The following GRB10 variants were observed in gnomAD, a reference collection of about 807,000 sequenced individuals.
GRB10 encodes the protein growth factor receptor bound protein 10.
Under a neutral mutation model 80.9 loss-of-function variants are expected in GRB10, and 20 were observed. The ratio of observed to expected loss-of-function variants is 0.25; its 90% CI spans 0.17 to 0.36. GRB10 has a LOEUF of 0.36. GRB10 is among the 10% of genes least tolerant of loss of function. The pLI, the probability that GRB10 is intolerant of heterozygous loss-of-function variation, is 1.00. For synonymous variants in GRB10, 291 were observed against 291.5 expected, an observed-to-expected ratio of 1.00 and a Z score of 0.02; for missense variants, 548 against 747.7, an observed-to-expected ratio of 0.73 and a Z score of 3.12.
intron 7 of GRB10, among the ~76,000 whole-genome samples, chr7:50,635,902 TAAA>T (rs56099361): frequency 2.1e-4 from 20 of 96,452 alleles, no homozygotes; most frequent in African/African-American, 6.6e-4. Context: ...AATCTTCCAA[TAAA>T]AAAAAAAAAA....
At chr7:50,676,289 A>G (rs2060918071) in intron 5 of GRB10, among the ~76,000 whole-genome samples, 1 of 147,168 alleles carries the variant, frequency 6.8e-6, no homozygotes, top group African/African-American at 2.5e-5. Context: ...CTATTTCTTA[A>G]GAGTCCTCAA....
intron 7 of GRB10, among the ~76,000 whole-genome samples, chr7:50,644,369 C>T (rs1229243095): frequency 1.3e-5 from 2 of 151,860 alleles, no homozygotes; most frequent in East Asian, 3.9e-4. Context: ...ATGTGATGGC[C>T]GAGCTCAGGG....
intron 14 of GRB10, 65 bp downstream of exon 14, chr7:50,606,272 C>T (rs1185655085): frequency 1.6e-6 from 2 of 1,277,096 alleles, no homozygotes; most frequent in Non-Finnish European, 2.3e-6. Flanking sequence ...AATGAGGCGT[C>T]CTTAACACAT....
chr7:50,674,335 C>T, intron 6 of GRB10, 101 bp downstream of exon 6: 1 of 1,187,612 alleles, frequency 8.4e-7, no homozygotes, highest in Non-Finnish European at 1.2e-6. Flanking sequence ...TTTGCAAGAC[C>T]AACACTATTC....
At chr7:50,627,620 G>A (rs963161) in intron 7 of GRB10, among the ~76,000 whole-genome samples, 15,492 of 152,258 alleles carry the variant, frequency 0.1, 1,058 homozygotes, top group Non-Finnish European at 0.15. Flanking sequence ...GCCCGGTGCT[G>A]TTCAAATCCA....
At chr7:50,731,546 G>A (rs1236852350) in intron 4 of GRB10, among the ~76,000 whole-genome samples, 2 of 152,152 alleles carry the variant, frequency 1.3e-5, no homozygotes, top group Non-Finnish European at 2.9e-5. Context: ...CAAATCACGA[G>A]TAAGGATGAA....
chr7:50,702,043 G>A lies in GRB10; in HGVS notation c.139+1778C>T, dbSNP rs575734305. Reference sequence around the variant, plus strand: ...TGGATTGTTTTGTTTTTCTTTTCCTGCCTCCCCCTCCCCACTGAGTGGTCA... The same window carrying A: ...TGGATTGTTTTGTTTTTCTTTTCCTACCTCCCCCTCCCCACTGAGTGGTCA... On this transcript the variant is annotated intron_variant, in intron 5 of 18. Coordinates refer to ENST00000401949, the MANE Select transcript of GRB10 (RefSeq NM_001350814.2). Among the ~76,000 whole-genome samples, 230 of 152,076 alleles carry A rather than the reference G, an allele frequency of 1.5e-3. 1 individual carries two copies. The highest frequency in any genetic ancestry group is 2.5e-3 in the Non-Finnish European group (173 of 67,980).
intron 2 of GRB10, among the ~76,000 whole-genome samples, chr7:50,764,855 T>A (rs4947854): frequency 0.064 from 9,722 of 152,244 alleles, 702 homozygotes; most frequent in Admixed American, 0.18. Flanking sequence ...AAGCAGTATA[T>A]CTGTGGGTGT....
At chr7:50,744,149 G>A (rs555488489) in intron 3 of GRB10, among the ~76,000 whole-genome samples, 1 of 152,172 alleles carries the variant, frequency 6.6e-6, no homozygotes, top group East Asian at 1.9e-4. Context: ...TGTGGAACAG[G>A]TCAGAGTACT....
At chr7:50,610,616 C>G (rs1285620027) in intron 13 of GRB10, among the ~76,000 whole-genome samples, 1 of 152,126 alleles carries the variant, frequency 6.6e-6, no homozygotes, top group Non-Finnish European at 1.5e-5. Context: ...GGGCTCTGAC[C>G]CTGCTCTGCC....
At chr7:50,684,721 C>T (rs1042751863) in intron 5 of GRB10, among the ~76,000 whole-genome samples, 3 of 152,266 alleles carry the variant, frequency 2.0e-5, no homozygotes, top group South Asian at 2.1e-4. Context: ...AAAGACACTT[C>T]GGGAGTGACA....
intron 14 of GRB10, 108 bp from the exon 15 acceptor site, chr7:50,605,514 T>A: frequency 1.1e-6 from 1 of 927,910 alleles, no homozygotes; most frequent in Non-Finnish European, 1.8e-6. Context: ...AGGGAATGCC[T>A]GCTTTCTACC....
chr7:50,667,877 C>T (rs2059966861), intron 7 of GRB10, among the ~76,000 whole-genome samples: 1 of 152,176 alleles, frequency 6.6e-6, no homozygotes, highest in African/African-American at 2.4e-5. Flanking sequence ...TTTGGACAAT[C>T]CCTGGGGGTG....
chr7:50,619,717 G>A (rs1281027327), intron 8 of GRB10, among the ~76,000 whole-genome samples: 1 of 152,192 alleles, frequency 6.6e-6, no homozygotes, highest in Non-Finnish European at 1.5e-5. Flanking sequence ...GGAGATAGAA[G>A]CTTTTTGATG....
intron 4 of GRB10, among the ~76,000 whole-genome samples, chr7:50,728,208 A>G (rs1473963305): frequency 3.0e-5 from 1 of 33,634 alleles, no homozygotes; most frequent in Non-Finnish European, 5.6e-5. Context: ...TTCTTTAGCC[A>G]AAGTATGGGG....
At chr7:50,747,854 C>T (rs1562597666) in intron 3 of GRB10, among the ~76,000 whole-genome samples, 1 of 151,774 alleles carries the variant, frequency 6.6e-6, no homozygotes, top group African/African-American at 2.4e-5. Flanking sequence ...CTCCAGACAT[C>T]GAGATAGGAA....
intron 4 of GRB10, among the ~76,000 whole-genome samples, chr7:50,718,468 G>A (rs1377236748): frequency 6.6e-6 from 1 of 152,052 alleles, no homozygotes; most frequent in African/African-American, 2.4e-5. Flanking sequence ...CACGGCCACT[G>A]CGGCGCCCTC....
intron 5 of GRB10, among the ~76,000 whole-genome samples, chr7:50,679,633 T>G (rs968068374): frequency 6.6e-6 from 1 of 152,186 alleles, no homozygotes; most frequent in African/African-American, 2.4e-5. Context: ...CTTTCTCCAC[T>G]ACCCCCTTCC....
chr7:50,709,893 C>T (rs2065633550), intron 4 of GRB10, among the ~76,000 whole-genome samples: 1 of 152,026 alleles, frequency 6.6e-6, no homozygotes. Context: ...GTGTGAACTG[C>T]CCTTCCTAAT....
Sources: gnomAD v4.1 joint callset for allele counts (sites outside exome capture counted in the v4.1 genomes callset) on GRCh38, gnomAD v4.1.1 for gene constraint, MANE v1.5 for transcripts, NCBI Gene and HGNC (gene_info 2026-07-23, HGNC 2026-07-21) for gene names.